The following SPMIP7 variants were observed in gnomAD, a reference collection of about 807,000 sequenced individuals.
SPMIP7 encodes sperm microtubule inner protein 7, also known as protein SPMIP7.
At chr7:50,100,432 T>G in the SPMIP7 span, among the ~76,000 whole-genome samples, 1 of 152,236 alleles carries the variant, frequency 6.6e-6, no homozygotes, top group Admixed American at 6.5e-5. Flanking sequence ...TGTTGCTGAA[T>G]CAGTTTATTA....
At chr7:50,117,195 C>T in the SPMIP7 span, 3 of 450,998 alleles carry the variant, frequency 6.7e-6, no homozygotes, top group South Asian at 1.6e-5. Flanking sequence ...CCAAATTATG[C>T]TAAACCTTTC....
the SPMIP7 span, among the ~76,000 whole-genome samples, chr7:50,140,483 C>T: frequency 2.0e-5 from 3 of 152,306 alleles, no homozygotes; most frequent in East Asian, 1.9e-4. Context: ...ACCTTGGATG[C>T]TACCACTATT....
At chr7:50,139,345 A>G in the SPMIP7 span, among the ~76,000 whole-genome samples, 3 of 147,970 alleles carry the variant, frequency 2.0e-5, no homozygotes, top group South Asian at 6.4e-4. Flanking sequence ...GCGAGGCACC[A>G]TCTCAAAAAA....
At chr7:50,107,362 C>CAAAAAAAAAAAAAAAAAAAAA in the SPMIP7 span, among the ~76,000 whole-genome samples, 1 of 16,658 alleles carries the variant, frequency 6.0e-5, no homozygotes, top group Non-Finnish European at 1.0e-4. Flanking sequence ...GACTCTGTCT[C>CAAAAAAAAAAAAAAAAAAAAA]AAAAAAAAAA....
At chr7:50,138,063 T>C in the SPMIP7 span, among the ~76,000 whole-genome samples, 1 of 152,190 alleles carries the variant, frequency 6.6e-6, no homozygotes, top group Non-Finnish European at 1.5e-5. Context: ...TTAATGAGTG[T>C]TTCTCTGCCT....
the SPMIP7 span, among the ~76,000 whole-genome samples, chr7:50,146,191 T>G: frequency 6.6e-6 from 1 of 152,158 alleles, no homozygotes; most frequent in Non-Finnish European, 1.5e-5. Flanking sequence ...TTTCAAATAG[T>G]GTGATGAGGC....
chr7:50,102,814 T>G, the SPMIP7 span, among the ~76,000 whole-genome samples: 4 of 152,078 alleles, frequency 2.6e-5, no homozygotes, highest in Middle Eastern at 6.8e-3. Flanking sequence ...TTAAACTACA[T>G]GCCATAGTTT....
the SPMIP7 span, among the ~76,000 whole-genome samples, chr7:50,154,939 A>G: frequency 4.6e-5 from 7 of 152,152 alleles, no homozygotes; most frequent in Admixed American, 4.6e-4. Context: ...TTCCCCGATG[A>G]GCAATGTTAA....
At chr7:50,129,603 G>A in the SPMIP7 span, 19 of 744,738 alleles carry the variant, frequency 2.6e-5, no homozygotes, top group African/African-American at 3.6e-5. Flanking sequence ...CAAGAGGTGC[G>A]TGAAAGAAGA....
the SPMIP7 span, chr7:50,139,995 T>A: frequency 8.8e-5 from 51 of 579,348 alleles, no homozygotes; most frequent in African/African-American, 8.6e-4. Flanking sequence ...TTAAATAGTC[T>A]CTGTTTAAAA....
the SPMIP7 span, among the ~76,000 whole-genome samples, chr7:50,144,348 G>A: frequency 6.6e-6 from 1 of 152,156 alleles, no homozygotes; most frequent in Admixed American, 6.5e-5. Flanking sequence ...ATTTATGAAT[G>A]TGTGCAACAT....
the SPMIP7 span, chr7:50,096,638 G>A: frequency 3.9e-6 from 6 of 1,525,794 alleles, no homozygotes; most frequent in South Asian, 2.5e-5. Flanking sequence ...AAGACTTGGA[G>A]GTAAATGAAG....
chr7:50,128,203 T>A, the SPMIP7 span, among the ~76,000 whole-genome samples: 1 of 151,912 alleles, frequency 6.6e-6, no homozygotes, highest in African/African-American at 2.4e-5. Flanking sequence ...TTAAATAAAA[T>A]AAGCCAACTA....
At chr7:50,130,137 T>A in the SPMIP7 span, among the ~76,000 whole-genome samples, 1 of 152,270 alleles carries the variant, frequency 6.6e-6, no homozygotes, top group East Asian at 1.9e-4. Flanking sequence ...CGAATCTATG[T>A]TTTAGACTAT....
chr7:50,116,251 G>T, the SPMIP7 span, among the ~76,000 whole-genome samples: 14 of 152,110 alleles, frequency 9.2e-5, no homozygotes, highest in African/African-American at 2.9e-4. Context: ...AGGTATCTGG[G>T]ACTACAGGCA....
chr7:50,141,283 G>T, the SPMIP7 span: 4 of 1,542,346 alleles, frequency 2.6e-6, no homozygotes, highest in African/African-American at 1.4e-5. Flanking sequence ...TCTAACAGTG[G>T]TCATGTGCAG....
At chr7:50,149,074 G>A in the SPMIP7 span, among the ~76,000 whole-genome samples, 4 of 152,102 alleles carry the variant, frequency 2.6e-5, no homozygotes. Flanking sequence ...GAACCCAGGA[G>A]GTGGAAGTTG....
chr7:50,126,288 G>T, the SPMIP7 span, among the ~76,000 whole-genome samples: 5 of 151,796 alleles, frequency 3.3e-5, no homozygotes, highest in African/African-American at 4.8e-5. Context: ...AATTAATTTG[G>T]CACTTAGATG....
the SPMIP7 span, among the ~76,000 whole-genome samples, chr7:50,149,561 A>T: frequency 6.6e-6 from 1 of 152,198 alleles, no homozygotes; most frequent in African/African-American, 2.4e-5. Context: ...CTGCTTCTCG[A>T]TGCAGTGGGC....
Sources: gnomAD v4.1 joint callset for allele counts (sites outside exome capture counted in the v4.1 genomes callset) on GRCh38, gnomAD v4.1.1 for gene constraint, MANE v1.5 for transcripts, NCBI Gene and HGNC (gene_info 2026-07-23, HGNC 2026-07-21) for gene names.